SLC25A32: variants seen among roughly 807,000 people sequenced by gnomAD.
The protein encoded by SLC25A32 is Glycine auxotroph B, complementation of hamster.
A neutral mutation model predicts 39.0 loss-of-function variants in SLC25A32; 32 were observed. That is an observed-to-expected ratio of 0.82 (90% CI 0.62 to 1.10). The LOEUF (loss-of-function observed/expected upper bound fraction) is 1.10. SLC25A32 is among the 50% of genes least tolerant of loss of function. The pLI is 0.00. For missense variants in SLC25A32, 367 were observed against 395.3 expected (o/e 0.93, Z 0.61); for synonymous variants, 166 against 152.4 (o/e 1.09, Z -0.66).
Position 103,403,948 on chromosome 8 carries a change from T to C in SLC25A32, c.392-624A>G, listed in dbSNP as rs558427862. 1.9e-3 allele frequency among the ~76,000 whole-genome samples: 282 copies of C among 152,340 alleles called. 1 individual carries two copies. Among genetic ancestry groups the C allele is most frequent in the Non-Finnish European group, 3.3e-3 (225 of 68,024 alleles). On this transcript the variant is annotated intron_variant, in intron 3 of 6. Transcript: ENST00000297578. ...GCCAGGTTTCCTAAGTAGTCCTTTATTCAACAAATATTTGGTCCTGTTATG... is the reference window on the plus strand; with the variant it reads ...GCCAGGTTTCCTAAGTAGTCCTTTACTCAACAAATATTTGGTCCTGTTATG...
chr8:103,414,869 A>G lies in SLC25A32; in HGVS notation c.69T>C (p.Tyr23=). ...AWSTVFRHVR[Y]ENLIAGVSGG... ...CGCTCACGCCCGCTATCAGGTTCTCATACCGGACGTGGCGGAATACCGTGC... is the reference window on the plus strand; with the variant it reads ...CGCTCACGCCCGCTATCAGGTTCTCGTACCGGACGTGGCGGAATACCGTGC... The change falls in exon 1 of 7, where the codon TAT becomes TAC. Residue 23 remains tyrosine (Y), a synonymous_variant. Transcript: ENST00000297578. 6.2e-7 allele frequency: 1 copy of G among 1,612,982 alleles called. No homozygotes were observed. Among genetic ancestry groups the G allele is most frequent in the Non-Finnish European group, 8.5e-7 (1 of 1,179,512 alleles).
In SLC25A32 at chr8:103,403,199, T is replaced by G. The variant is rs1407540249; in HGVS notation, c.517A>C (p.Ile173Leu). Residue 173 changes from isoleucine (I) to leucine (L), a missense_variant, in exon 4 of 7, where the codon ATA (isoleucine) becomes CTA (leucine). Physicochemically the swap from Ile to Leu is conservative, Grantham distance 5. Transcript: ENST00000297578. Reference protein sequence around the residue: ...YKGMFDTLVKIYKYEGVRGLY... With the variant: ...YKGMFDTLVKLYKYEGVRGLY... ...CCACGCACACCTTCATACTTATATATTTTCACAAGTGTATCAAACATTCCT... is the reference window on the plus strand; with the variant it reads ...CCACGCACACCTTCATACTTATATAGTTTCACAAGTGTATCAAACATTCCT... 1.2e-6 allele frequency: 2 copies of G among 1,611,124 alleles called. No individual in the cohort carries two copies. The highest frequency in any genetic ancestry group is 1.7e-6 in the Non-Finnish European group (2 of 1,177,742).
At position 103,400,160 on chromosome 8, in the gene SLC25A32, C is replaced by A. The variant is rs2241777; in HGVS notation, c.*251G>T. The A allele has an allele frequency of 0.45, 208,884 of 462,370 alleles. 48,066 individuals carry two copies. The highest frequency in any genetic ancestry group is 0.49 in the African/African-American group (24,724 of 50,024). The allele number at this position is 462,370 out of a possible 1,614,324, so 28.6% of individuals were successfully genotyped here. A position where few individuals can be genotyped will look rare whatever the true frequency, so the allele number is the denominator to read the frequency against. On this transcript the variant is annotated 3_prime_UTR_variant, in exon 7 of 7. Transcript: ENST00000297578. ...AACGTAGAAATCTGTGAAACTCTAT[C>A]CTTCGTGTCAGTTTTAACATTGTGT...
chr8:103,401,192 A>G (rs1422852066), intron 6 of SLC25A32, among the ~76,000 whole-genome samples: 1 of 152,204 alleles, frequency 6.6e-6, no homozygotes, highest in Non-Finnish European at 1.5e-5. Context: ...TGAATGTATT[A>G]AGCTAGTCTT....
chr8:103,413,177 G>A (rs1247061058), intron 1 of SLC25A32, among the ~76,000 whole-genome samples: 5 of 152,178 alleles, frequency 3.3e-5, no homozygotes, highest in African/African-American at 1.2e-4. Context: ...CTTTCCTCAG[G>A]AATGATATGC....
At position 103,415,085 on chromosome 8, in the gene SLC25A32, G is replaced by A. The variant is rs765146546; in HGVS notation, c.-148C>T. The stretch of plus-strand genomic sequence containing the variant: ...GGACTCTTATGCCCAAGGCGCGTGA[G>A]CGAAGCCGGAGACTCTAGTACTGAG... On this transcript the variant is annotated 5_prime_UTR_variant, in exon 1 of 7. Coordinates refer to ENST00000297578, the MANE Select transcript of SLC25A32 (RefSeq NM_030780.5). 9 of 1,609,840 alleles carry A rather than the reference G, an allele frequency of 5.6e-6. No homozygotes were observed. The Admixed American group carries it at 8.4e-5, about 15-fold the overall frequency.
intron 2 of SLC25A32, 37 bp downstream of exon 2, chr8:103,407,597 T>C (rs747679210): frequency 4.6e-4 from 668 of 1,442,634 alleles, no homozygotes; most frequent in Non-Finnish European, 5.9e-4. Context: ...AAATTCCTTT[T>C]TAATTTAATA....
At chr8:103,410,834 A>C (rs1040692761) in intron 1 of SLC25A32, among the ~76,000 whole-genome samples, 9 of 152,226 alleles carry the variant, frequency 5.9e-5, no homozygotes. Context: ...TTTTCAAAGA[A>C]AGACAATATA....
At chr8:103,406,065 G>GTGTATATATA (rs372284581) in intron 2 of SLC25A32, among the ~76,000 whole-genome samples, 48 of 144,232 alleles carry the variant, frequency 3.3e-4, no homozygotes, top group Non-Finnish European at 5.0e-4. Flanking sequence ...GTGTGTGTGT[G>GTGTATATATA]TATATATATA....
At chr8:103,403,425 A>AC in intron 3 of SLC25A32, 101 bp from the exon 4 acceptor site, 1 of 791,526 alleles carries the variant, frequency 1.3e-6, no homozygotes, top group Non-Finnish European at 1.9e-6. Flanking sequence ...AAAAAAAAAA[A>AC]AAAAAGATAA....
Position 103,401,632 on chromosome 8 carries a change from T to C in SLC25A32, c.696A>G (p.Ala232=), listed in dbSNP as rs1346082010. Residue 232 remains alanine, a synonymous_variant, in exon 6 of 7, where the codon GCA becomes GCG. Coordinates refer to ENST00000297578, the MANE Select transcript of SLC25A32 (RefSeq NM_030780.5). ...CTGCGACAGCAAATATTTTGGATAG[T>C]GCTGCAACAGATATATATTCTACTG... ...LSTVEYISVA[A]LSKIFAVAAT... 3 of 1,613,240 alleles carry C rather than the reference T, an allele frequency of 1.9e-6. No homozygotes were observed. In the South Asian group the frequency reaches 3.3e-5, roughly 18 times the overall value.
chr8:103,410,459 T>C lies in SLC25A32; in HGVS notation c.155-2675A>G, dbSNP rs148938488. ...GGTTCTTACAGAATCTCGAACCCTA[T>C]TGTGAACTGCACATGCAAGGGATCT... On this transcript the variant is annotated intron_variant, in intron 1 of 6. Transcript: ENST00000297578. Among the ~76,000 whole-genome samples the C allele has an allele frequency of 3.3e-4, 50 of 152,308 alleles. No individual in the cohort carries two copies. The East Asian group carries it at 6.9e-3, about 21-fold the overall frequency.
intron 1 of SLC25A32, 87 bp downstream of exon 1, chr8:103,414,697 T>G: frequency 6.4e-7 from 1 of 1,567,258 alleles, no homozygotes; most frequent in Non-Finnish European, 8.7e-7. Context: ...TCAACGCTCC[T>G]CCTCCCCCTA....
intron 6 of SLC25A32, 130 bp from the exon 7 acceptor site, chr8:103,400,676 A>G (rs1489947545): frequency 5.9e-5 from 55 of 926,324 alleles, no homozygotes; most frequent in South Asian, 8.0e-5. Flanking sequence ...CATGTTTTCA[A>G]TGTCCTAAAG....
At chr8:103,406,658 G>C (rs766167651) in intron 2 of SLC25A32, among the ~76,000 whole-genome samples, 1 of 152,204 alleles carries the variant, frequency 6.6e-6, no homozygotes, top group Non-Finnish European at 1.5e-5. Context: ...CAAACAAGAA[G>C]AAACAATTTG....
At chr8:103,404,595 CA>C (rs869207177) in intron 3 of SLC25A32, among the ~76,000 whole-genome samples, 180 bp downstream of exon 3, 43 of 129,988 alleles carry the variant, frequency 3.3e-4, no homozygotes, top group Admixed American at 7.8e-4. Flanking sequence ...AACTCCGCCT[CA>C]AAAAAAAAAA....
chr8:103,404,638 A>C (rs1816288824), intron 3 of SLC25A32, 138 bp downstream of exon 3: 11 of 569,982 alleles, frequency 1.9e-5, no homozygotes, highest in South Asian at 1.0e-4. Flanking sequence ...AACAAAAAAA[A>C]CAGAAATTCC....
At chr8:103,408,223 G>C (rs1297893968) in intron 1 of SLC25A32, among the ~76,000 whole-genome samples, 3 of 151,644 alleles carry the variant, frequency 2.0e-5, no homozygotes, top group Non-Finnish European at 2.9e-5. Flanking sequence ...CTGACCTCAG[G>C]TGATCCACCC....
At chr8:103,401,721 G>A in intron 5 of SLC25A32, 60 bp from the exon 6 acceptor site, 1 of 1,415,454 alleles carries the variant, frequency 7.1e-7, no homozygotes, top group Non-Finnish European at 9.6e-7. Flanking sequence ...AAATACAGAA[G>A]TAAAAATTAT....
Sources: allele counts gnomAD v4.1 joint callset (sites outside exome capture counted in the v4.1 genomes callset), GRCh38; gene constraint gnomAD v4.1.1; transcripts MANE v1.5; gene names NCBI Gene and HGNC (gene_info 2026-07-23, HGNC 2026-07-21).